ARMC2: variants seen among roughly 807,000 people sequenced by gnomAD.
The protein encoded by ARMC2 is armadillo repeat-containing protein 2.
Under a neutral mutation model 90.3 loss-of-function variants are expected in ARMC2, and 67 were observed. The observed-to-expected ratio is 0.74, with a 90% CI of 0.61 to 0.91. ARMC2 has a LOEUF of 0.91. ARMC2 is among the 40% of genes least tolerant of loss of function. The probability of loss-of-function intolerance (pLI) is 0.00; values close to 1 mark genes in which losing one functional copy is unlikely to be tolerated. For synonymous variants in ARMC2, 393 were observed against 393.0 expected, an observed-to-expected ratio of 1.00 and a Z score of 0.00; for missense variants, 920 against 1,030.9, an observed-to-expected ratio of 0.89 and a Z score of 1.47.
chr6:108,925,966 A>G (rs573019290), intron 10 of ARMC2, among the ~76,000 whole-genome samples: 1 of 152,164 alleles, frequency 6.6e-6, no homozygotes, highest in Non-Finnish European at 1.5e-5. Flanking sequence ...AAGAAACTTG[A>G]GCTGTCTAAA....
chr6:109,020,429 G>A, the ARMC2 span, among the ~76,000 whole-genome samples: 5 of 152,056 alleles, frequency 3.3e-5, no homozygotes, highest in African/African-American at 1.2e-4. Context: ...ATTCTTTCTT[G>A]CTGTGGGTAG....
At chr6:109,014,993 T>C in the ARMC2 span, among the ~76,000 whole-genome samples, 1 of 152,194 alleles carries the variant, frequency 6.6e-6, no homozygotes, top group Non-Finnish European at 1.5e-5. Flanking sequence ...CTGCTATATT[T>C]CCAATGTCCT....
the ARMC2 span, among the ~76,000 whole-genome samples, chr6:108,995,762 C>T: frequency 2.0e-5 from 3 of 152,020 alleles, no homozygotes; most frequent in African/African-American, 7.2e-5. Context: ...CCAGCCTGGA[C>T]AACAGAGAGA....
chr6:108,904,239 T>C lies in ARMC2; in HGVS notation c.857T>C (p.Ile286Thr), dbSNP rs1185217149. ...CTCTTTGCTCTGACAGAAGAAAACA[T>C]TGAAACGGTTTGTGCTGCTTGCACA... ...ILRELEKEEN[I>T]ETVCAACTQL... is the part of the protein sequence containing the mutation. The change falls in exon 8 of 18, where the codon ATT becomes ACT. Residue 286 changes from isoleucine (I) to threonine (T), a missense_variant. Physicochemically the swap from Ile to Thr is moderately conservative, Grantham distance 89. Coordinates refer to ENST00000392644, the MANE Select transcript of ARMC2 (RefSeq NM_032131.6). The C allele has an allele frequency of 3.1e-6, 5 of 1,613,370 alleles. No individual in the cohort carries two copies. The highest frequency in any genetic ancestry group is 4.2e-6 in the Non-Finnish European group (5 of 1,179,696).
At chr6:109,046,213 C>G in the ARMC2 span, among the ~76,000 whole-genome samples, 3 of 150,172 alleles carry the variant, frequency 2.0e-5, no homozygotes, top group Non-Finnish European at 1.5e-5. Flanking sequence ...CCTGCCTCAG[C>G]CTGCCGAGTG....
At chr6:108,909,564 C>T (rs1394069440) in intron 8 of ARMC2, among the ~76,000 whole-genome samples, 1 of 151,934 alleles carries the variant, frequency 6.6e-6, no homozygotes, top group Non-Finnish European at 1.5e-5. Flanking sequence ...GACACGGGGT[C>T]TCACTCTGTC....
At chr6:109,012,138 A>C in the ARMC2 span, among the ~76,000 whole-genome samples, 9 of 152,202 alleles carry the variant, frequency 5.9e-5, no homozygotes, top group African/African-American at 2.2e-4. Flanking sequence ...CTGAACACAG[A>C]ACAGTGATTA....
chr6:108,971,939 G>C (rs928754860), intron 17 of ARMC2, among the ~76,000 whole-genome samples: 4 of 149,214 alleles, frequency 2.7e-5, no homozygotes, highest in African/African-American at 9.8e-5. Context: ...AAAAAAAAAA[G>C]TGTTGGCAAT....
In ARMC2 at chr6:108,953,428, T is replaced by G. The variant is rs1006234439; in HGVS notation, c.1915+77T>G. 3.6e-6 allele frequency: 5 copies of G among 1,408,092 alleles called. No homozygotes were observed. The African/African-American group carries it at 7.2e-5, about 20-fold the overall frequency. 87.2% of individuals were successfully genotyped at this position (1,408,092 alleles called of 1,614,324 possible). On this transcript the variant is annotated intron_variant, in intron 13 of 17. Transcript: ENST00000392644. The stretch of plus-strand genomic sequence containing the variant: ...CCCAAAGACAGTTCTGTGTCTGTGG[T>G]GTGATGAGGATTTTATTATCACAAG...
the ARMC2 span, among the ~76,000 whole-genome samples, chr6:108,985,605 A>G: frequency 6.6e-6 from 1 of 152,202 alleles, no homozygotes. Flanking sequence ...TTTGATTTCA[A>G]TTTCTAAGTG....
At chr6:108,864,253 C>CT (rs67415721) in intron 3 of ARMC2, among the ~76,000 whole-genome samples, 106,380 of 136,862 alleles carry the variant, frequency 0.78, 41,482 homozygotes, top group South Asian at 0.83. Context: ...TTTTTCTTTT[C>CT]TTTTTTTTTT....
intron 6 of ARMC2, among the ~76,000 whole-genome samples, chr6:108,896,433 C>T (rs1312051567): frequency 6.6e-6 from 1 of 152,136 alleles, no homozygotes; most frequent in Non-Finnish European, 1.5e-5. Flanking sequence ...TCTTAAAAAG[C>T]AATTATATGA....
At chr6:108,945,894 C>T (rs1352310069) in intron 12 of ARMC2, among the ~76,000 whole-genome samples, 1 of 152,258 alleles carries the variant, frequency 6.6e-6, no homozygotes, top group Non-Finnish European at 1.5e-5. Flanking sequence ...CCACCCCTTC[C>T]CCTGGTGCCT....
chr6:108,943,892 T>G (rs1048583124), intron 12 of ARMC2, among the ~76,000 whole-genome samples: 1 of 152,162 alleles, frequency 6.6e-6, no homozygotes, highest in Admixed American at 6.5e-5. Flanking sequence ...ACTTAAAATT[T>G]GAGTTTAATT....
At chr6:109,048,049 C>G in the ARMC2 span, among the ~76,000 whole-genome samples, 1 of 150,112 alleles carries the variant, frequency 6.7e-6, no homozygotes, top group Non-Finnish European at 1.5e-5. Flanking sequence ...TCCCATGACC[C>G]TGCCAAATCC....
downstream of ARMC2, among the ~76,000 whole-genome samples, chr6:108,979,257 A>G (rs9486984): frequency 0.018 from 2,688 of 152,278 alleles, 90 homozygotes; most frequent in African/African-American, 0.062. Context: ...TATGAAGCTC[A>G]GTGTGGCTGG....
chr6:108,949,923 A>G (rs774899689), intron 12 of ARMC2, among the ~76,000 whole-genome samples: 1 of 152,208 alleles, frequency 6.6e-6, no homozygotes, highest in Non-Finnish European at 1.5e-5. Flanking sequence ...AACTAAAAAC[A>G]GGCCGGGCAC....
At position 108,912,433 on chromosome 6, in the gene ARMC2, G is replaced by A; in HGVS notation, c.1225G>A (p.Gly409Arg). Residue 409 changes from glycine (G) to arginine (R), a missense_variant, in exon 10 of 18, where the codon GGA becomes AGA. Coordinates refer to ENST00000392644, the MANE Select transcript of ARMC2 (RefSeq NM_032131.6). ...TATAAAGTTCATTTCTGGAAATCTG[G>A]GATTTCTTAATGAAATGATCAGCAA... ...GSIKFISGNL[G>R]FLNEMISKGA... 1 of 1,613,614 alleles carries A rather than the reference G, an allele frequency of 6.2e-7. No homozygotes were observed. The highest frequency in any genetic ancestry group is 8.5e-7 in the Non-Finnish European group (1 of 1,179,664).
At chr6:108,878,238 C>T (rs1205123285) in intron 5 of ARMC2, among the ~76,000 whole-genome samples, 2 of 152,218 alleles carry the variant, frequency 1.3e-5, no homozygotes, top group African/African-American at 4.8e-5. Context: ...CTTTGCTATG[C>T]AGTGGAGTAT....
Sources: gnomAD v4.1 joint callset for allele counts (sites outside exome capture counted in the v4.1 genomes callset) on GRCh38, gnomAD v4.1.1 for gene constraint, MANE v1.5 for transcripts, NCBI Gene and HGNC (gene_info 2026-07-23, HGNC 2026-07-21) for gene names.